TDRD10: variants seen among roughly 807,000 people sequenced by gnomAD.
The protein encoded by TDRD10 is tudor domain containing 10.
In TDRD10, 40 loss-of-function variants were observed where a neutral mutation model predicts 48.0. The ratio of observed to expected loss-of-function variants is 0.83; its 90% CI spans 0.65 to 1.09. The LOEUF (loss-of-function observed/expected upper bound fraction) is 1.09, where lower values mean the gene tolerates loss of function less well. Ranked by LOEUF, TDRD10 falls within the 50% of genes least tolerant of loss-of-function variation. TDRD10 has a pLI of 0.00. For synonymous variants in TDRD10, 162 were observed against 170.4 expected (o/e 0.95, Z 0.38); for missense variants, 378 against 434.7 (o/e 0.87, Z 1.16).
At chr1:154,512,062 T>C (rs1054532404) in intron 4 of TDRD10, among the ~76,000 whole-genome samples, 6 of 151,912 alleles carry the variant, frequency 3.9e-5, no homozygotes, top group African/African-American at 1.5e-4. Flanking sequence ...ATTATTAATA[T>C]ATTCACAAGA....
intron 6 of TDRD10, among the ~76,000 whole-genome samples, chr1:154,533,893 ATTT>A (rs201435535): frequency 6.2e-4 from 64 of 103,610 alleles, no homozygotes; most frequent in African/African-American, 1.7e-3. Context: ...ATATATATAT[ATTT>A]TTTTTTAATT....
At chr1:154,530,425 T>G (rs1359550559) in intron 6 of TDRD10, among the ~76,000 whole-genome samples, 3 of 150,882 alleles carry the variant, frequency 2.0e-5, no homozygotes, top group Admixed American at 6.6e-5. Context: ...TAAGTTTTTT[T>G]CATTAAATTT....
chr1:154,514,233 T>C (rs1249538848), intron 4 of TDRD10, among the ~76,000 whole-genome samples: 2 of 152,090 alleles, frequency 1.3e-5, no homozygotes, highest in African/African-American at 4.8e-5. Flanking sequence ...GATAACGAAA[T>C]ACAATGATAG....
At chr1:154,520,281 T>G in intron 4 of TDRD10, 23 bp from the exon 5 acceptor site, 8 of 1,586,216 alleles carry the variant, frequency 5.0e-6, no homozygotes, top group Non-Finnish European at 6.9e-6. Flanking sequence ...TGGGTCTCTC[T>G]CTTTTAAACC....
Position 154,543,948 on chromosome 1 carries a change from T to A in TDRD10, c.504-15T>A. ...CCAGTCGTTCCTTTCCTTGCTCCCCTTGCTCTTCCCGCAGAGGGTCCTTCC... is the reference window on the plus strand; with the variant it reads ...CCAGTCGTTCCTTTCCTTGCTCCCCATGCTCTTCCCGCAGAGGGTCCTTCC... On this transcript the variant is annotated splice_polypyrimidine_tract_variant and intron_variant, in intron 8 of 12. Transcript: ENST00000368482. The A allele has an allele frequency of 6.3e-7, 1 of 1,594,738 alleles. No homozygotes were observed. Among genetic ancestry groups the A allele is most frequent in the Non-Finnish European group, 8.6e-7 (1 of 1,168,686 alleles).
intron 6 of TDRD10, among the ~76,000 whole-genome samples, chr1:154,533,711 T>TA (rs1423200137): frequency 6.6e-6 from 1 of 151,826 alleles, no homozygotes; most frequent in Admixed American, 6.6e-5. Flanking sequence ...GATCTGAACT[T>TA]ACTGCAGCCT....
At chr1:154,507,382 T>C in intron 3 of TDRD10, 62 bp downstream of exon 3, 1 of 1,580,020 alleles carries the variant, frequency 6.3e-7, no homozygotes, top group East Asian at 2.2e-5. Context: ...GGATTCCAGT[T>C]AATGGTTCCC....
intron 4 of TDRD10, among the ~76,000 whole-genome samples, chr1:154,516,681 T>C (rs1013982257): frequency 6.6e-6 from 1 of 152,186 alleles, no homozygotes; most frequent in Non-Finnish European, 1.5e-5. Context: ...GCACGGTAGC[T>C]CACGCCTGTC....
intron 11 of TDRD10, among the ~76,000 whole-genome samples, chr1:154,545,729 C>T (rs1055396935): frequency 8.6e-5 from 13 of 151,178 alleles, no homozygotes; most frequent in Admixed American, 4.0e-4. Flanking sequence ...CATGAGCTGC[C>T]GCGCTTAGCT....
At chr1:154,519,516 T>C (rs1208739020) in intron 4 of TDRD10, among the ~76,000 whole-genome samples, 1 of 152,072 alleles carries the variant, frequency 6.6e-6, no homozygotes, top group Non-Finnish European at 1.5e-5. Context: ...GTGAAAGAGC[T>C]GAACCTGAAG....
At chr1:154,537,215 C>G (rs985198460) in intron 6 of TDRD10, among the ~76,000 whole-genome samples, 4 of 152,188 alleles carry the variant, frequency 2.6e-5, no homozygotes, top group Non-Finnish European at 4.4e-5. Flanking sequence ...CCCTTCATCC[C>G]CTGTCTCTGA....
chr1:154,511,527 A>C (rs1693474629), intron 4 of TDRD10, among the ~76,000 whole-genome samples: 1 of 150,610 alleles, frequency 6.6e-6, no homozygotes. Flanking sequence ...AATAATACAA[A>C]AATTACTAAT....
intron 7 of TDRD10, 69 bp downstream of exon 7, chr1:154,542,135 C>G: frequency 6.6e-7 from 1 of 1,505,362 alleles, no homozygotes; most frequent in South Asian, 1.2e-5. Context: ...TCTTCCAGCC[C>G]CTTCTGCAGC....
In TDRD10 at chr1:154,506,265, G is replaced by A. The variant is rs540225558; in HGVS notation, c.-27-612G>A. 3.3e-5 allele frequency among the ~76,000 whole-genome samples: 5 copies of A among 152,228 alleles called. No homozygotes were observed. In the East Asian group the frequency reaches 9.6e-4, roughly 29 times the overall value. On this transcript the variant is annotated intron_variant, in intron 1 of 12. Coordinates refer to ENST00000368482, the MANE Select transcript of TDRD10 (RefSeq NM_182499.4). ...TCCCTGCCTTTTCCAGCTTCTAGAG[G>A]CTGCCAGCATTCCATGGCTTGCGGC... is the stretch of plus-strand genomic sequence containing the variant.
At chr1:154,503,149 C>T (rs1362982822) in intron 1 of TDRD10, 120 bp downstream of exon 1, 2 of 152,292 alleles carry the variant, frequency 1.3e-5, no homozygotes, top group African/African-American at 4.8e-5. Flanking sequence ...GTCGCTGTTC[C>T]CGCGGGGCCG....
At chr1:154,522,012 G>C (rs1460063361) in intron 6 of TDRD10, among the ~76,000 whole-genome samples, 1 of 152,222 alleles carries the variant, frequency 6.6e-6, no homozygotes, top group African/African-American at 2.4e-5. Context: ...CCCATTCTCC[G>C]TATGCAGAGG....
chr1:154,519,338 C>G, intron 4 of TDRD10, among the ~76,000 whole-genome samples: 1 of 152,128 alleles, frequency 6.6e-6, no homozygotes, highest in Non-Finnish European at 1.5e-5. Context: ...TTTCTATTTT[C>G]CTAAGCCAAC....
At chr1:154,504,429 T>C (rs1693029885) in intron 1 of TDRD10, among the ~76,000 whole-genome samples, 1 of 152,228 alleles carries the variant, frequency 6.6e-6, no homozygotes, top group Admixed American at 6.5e-5. Context: ...CCTGTCTAAC[T>C]TTTTGAGAGC....
At chr1:154,510,281 G>T (rs889908338) in intron 4 of TDRD10, among the ~76,000 whole-genome samples, 4 of 150,420 alleles carry the variant, frequency 2.7e-5, no homozygotes, top group Admixed American at 2.7e-4. Context: ...TAACATTAAT[G>T]CCCTGTCAAC....
Sources: allele counts gnomAD v4.1 joint callset (sites outside exome capture counted in the v4.1 genomes callset), GRCh38; gene constraint gnomAD v4.1.1; transcripts MANE v1.5; gene names NCBI Gene and HGNC (gene_info 2026-07-23, HGNC 2026-07-21).